Variants in ZMAT4 observed in about 807,000 individuals in gnomAD.
ZMAT4 encodes the protein zinc finger matrin-type protein 4.
In ZMAT4, 17 loss-of-function variants were observed where a neutral mutation model predicts 28.7. The observed-to-expected ratio is 0.59, with a 90% CI of 0.41 to 0.89. ZMAT4 has a LOEUF of 0.89. ZMAT4 is among the 40% of genes least tolerant of loss of function. ZMAT4 has a pLI of 0.00. For synonymous variants in ZMAT4, 117 were observed against 109.2 expected, an observed-to-expected ratio of 1.07 and a Z score of -0.44; for missense variants, 240 against 283.8, an observed-to-expected ratio of 0.85 and a Z score of 1.11.
At chr8:40,798,882 T>G (rs1015077164) in intron 2 of ZMAT4, among the ~76,000 whole-genome samples, 2 of 149,656 alleles carry the variant, frequency 1.3e-5, no homozygotes, top group African/African-American at 4.9e-5. Context: ...TCCAAGTTTT[T>G]GAACTGTGTT....
chr8:40,759,576 A>G (rs1812844155), intron 3 of ZMAT4, among the ~76,000 whole-genome samples: 1 of 152,226 alleles, frequency 6.6e-6, no homozygotes, highest in East Asian at 1.9e-4. Flanking sequence ...TCGGCTGACA[A>G]CTTGATCTCA....
At chr8:40,574,748 C>T (rs1804206190) in intron 6 of ZMAT4, among the ~76,000 whole-genome samples, 1 of 152,106 alleles carries the variant, frequency 6.6e-6, no homozygotes, top group Non-Finnish European at 1.5e-5. Context: ...AAGGACTTTC[C>T]CATGTGGAGA....
chr8:40,756,890 G>T (rs1812721696), intron 3 of ZMAT4, among the ~76,000 whole-genome samples: 1 of 152,028 alleles, frequency 6.6e-6, no homozygotes, highest in African/African-American at 2.4e-5. Flanking sequence ...TGAGCTCACG[G>T]CCAGCATTAG....
intron 3 of ZMAT4, among the ~76,000 whole-genome samples, chr8:40,747,459 G>T (rs1812286575): frequency 1.3e-5 from 2 of 152,066 alleles, no homozygotes; most frequent in African/African-American, 4.8e-5. Context: ...CCTTGGTTAT[G>T]ATTCGGTTTT....
chr8:40,591,762 G>A (rs1360552634), intron 5 of ZMAT4, among the ~76,000 whole-genome samples: 1 of 152,184 alleles, frequency 6.6e-6, no homozygotes, highest in African/African-American at 2.4e-5. Flanking sequence ...AGGAAGCCAA[G>A]AGAAGAAAGC....
At chr8:40,536,816 C>A (rs941859717) in intron 6 of ZMAT4, among the ~76,000 whole-genome samples, 1 of 151,700 alleles carries the variant, frequency 6.6e-6, no homozygotes, top group Admixed American at 6.6e-5. Context: ...GCCCAAGCTA[C>A]AGAAGGAAAC....
At chr8:40,772,847 C>T (rs7832213) in intron 2 of ZMAT4, among the ~76,000 whole-genome samples, 87,334 of 152,074 alleles carry the variant, frequency 0.57, 26,522 homozygotes, top group Middle Eastern at 0.71. Flanking sequence ...GAGGTCATTC[C>T]GGGGAGAAGA....
At chr8:40,734,871 A>C (rs1811694524) in intron 3 of ZMAT4, among the ~76,000 whole-genome samples, 1 of 152,258 alleles carries the variant, frequency 6.6e-6, no homozygotes, top group African/African-American at 2.4e-5. Context: ...TAATACAGAA[A>C]TTAAATATTT....
At chr8:40,888,162 G>A (rs1027698802) in intron 1 of ZMAT4, among the ~76,000 whole-genome samples, 3 of 152,114 alleles carry the variant, frequency 2.0e-5, no homozygotes, top group South Asian at 4.1e-4. Context: ...GGCCAGGGCC[G>A]AACAGAGTGC....
intron 1 of ZMAT4, among the ~76,000 whole-genome samples, chr8:40,841,900 C>T (rs534007189): frequency 1.7e-3 from 263 of 152,246 alleles, no homozygotes; most frequent in African/African-American, 6.0e-3. Context: ...CTGCAGGATG[C>T]GCTTCTGCAC....
intron 5 of ZMAT4, among the ~76,000 whole-genome samples, chr8:40,594,696 G>A (rs1163356044): frequency 2.6e-5 from 4 of 152,166 alleles, no homozygotes; most frequent in African/African-American, 7.2e-5. Flanking sequence ...GACCTAACTC[G>A]TGAGTGGGAC....
intron 3 of ZMAT4, among the ~76,000 whole-genome samples, chr8:40,716,044 T>G (rs1170941890): frequency 6.6e-6 from 1 of 152,206 alleles, no homozygotes; most frequent in African/African-American, 2.4e-5. Flanking sequence ...TCCTCCAATT[T>G]CCACTGCTAT....
intron 1 of ZMAT4, among the ~76,000 whole-genome samples, chr8:40,896,722 T>C (rs1818890626): frequency 6.6e-6 from 1 of 152,160 alleles, no homozygotes; most frequent in Non-Finnish European, 1.5e-5. Context: ...ACCAGCTGCC[T>C]GCCGGGGTGA....
chr8:40,840,912 C>T (rs891787147), intron 1 of ZMAT4, among the ~76,000 whole-genome samples: 2 of 152,196 alleles, frequency 1.3e-5, no homozygotes, highest in Admixed American at 1.3e-4. Context: ...TTCCTACCCA[C>T]TGCTAAAAAT....
At chr8:40,750,966 C>T (rs973873039) in intron 3 of ZMAT4, among the ~76,000 whole-genome samples, 1 of 152,150 alleles carries the variant, frequency 6.6e-6, no homozygotes, top group Admixed American at 6.5e-5. Flanking sequence ...TTTCAAGGGC[C>T]CATTTAGTGT....
At chr8:40,852,191 C>A (rs1405041887) in intron 1 of ZMAT4, among the ~76,000 whole-genome samples, 1 of 152,124 alleles carries the variant, frequency 6.6e-6, no homozygotes, top group East Asian at 1.9e-4. Context: ...TGTCCTTTAA[C>A]AAATCTCTCC....
intron 3 of ZMAT4, among the ~76,000 whole-genome samples, chr8:40,732,228 CAT>C (rs1811570833): frequency 6.6e-6 from 1 of 152,042 alleles, no homozygotes; most frequent in African/African-American, 2.4e-5. Flanking sequence ...TTTATGTATA[CAT>C]GTTTTACCCC....
intron 5 of ZMAT4, among the ~76,000 whole-genome samples, chr8:40,669,897 C>A (rs944404679): frequency 6.6e-6 from 1 of 152,130 alleles, no homozygotes; most frequent in African/African-American, 2.4e-5. Context: ...ATTGCCTATA[C>A]AACCTAAACA....
intron 5 of ZMAT4, among the ~76,000 whole-genome samples, chr8:40,620,556 C>T (rs1444364744): frequency 6.6e-6 from 1 of 152,138 alleles, no homozygotes; most frequent in African/African-American, 2.4e-5. Flanking sequence ...GGAAGAGAGA[C>T]CATTGTCAGA....
Sources: allele counts gnomAD v4.1 joint callset (sites outside exome capture counted in the v4.1 genomes callset), GRCh38; gene constraint gnomAD v4.1.1; transcripts MANE v1.5; gene names NCBI Gene and HGNC (gene_info 2026-07-23, HGNC 2026-07-21).